Variants in MARCHF10 observed in about 807,000 individuals in gnomAD.
MARCHF10 encodes the protein membrane associated ring-CH-type finger 10, also known as probable E3 ubiquitin-protein ligase MARCHF10.
A neutral mutation model predicts 76.2 loss-of-function variants in MARCHF10; 64 were observed. The ratio of observed to expected loss-of-function variants is 0.84; its 90% CI spans 0.69 to 1.03. The LOEUF (loss-of-function observed/expected upper bound fraction) is 1.03, where lower values mean the gene tolerates loss of function less well. MARCHF10 is among the 50% of genes least tolerant of loss of function. The probability of loss-of-function intolerance (pLI) is 0.00; values close to 1 mark genes in which losing one functional copy is unlikely to be tolerated. For synonymous variants in MARCHF10, 340 were observed against 357.5 expected, an observed-to-expected ratio of 0.95 and a Z score of 0.55; for missense variants, 875 against 958.0, an observed-to-expected ratio of 0.91 and a Z score of 1.14.
At chr17:62,716,826 A>G (rs2090229274) in intron 8 of MARCHF10, among the ~76,000 whole-genome samples, 1 of 152,056 alleles carries the variant, frequency 6.6e-6, no homozygotes, top group Non-Finnish European at 1.5e-5. Flanking sequence ...CTTTTTTGGT[A>G]CATGTCTAGA....
intron 4 of MARCHF10, among the ~76,000 whole-genome samples, chr17:62,759,572 G>A (rs757778644): frequency 1.5e-4 from 23 of 152,200 alleles, no homozygotes; most frequent in East Asian, 3.9e-4. Flanking sequence ...TCCACCTCCC[G>A]GGTTCAAGCG....
At chr17:62,714,250 G>A (rs967780553) in intron 8 of MARCHF10, 10 of 283,280 alleles carry the variant, frequency 3.5e-5, no homozygotes, top group African/African-American at 6.9e-5. Context: ...CCTGGAAAGC[G>A]CTGCCGGCTA....
chr17:62,722,367 TTGTCAGACTCC>T, intron 8 of MARCHF10, 110 bp downstream of exon 8: 1 of 656,276 alleles, frequency 1.5e-6, no homozygotes, highest in Non-Finnish European at 2.6e-6. Flanking sequence ...TAAATGGATA[TTGTCAGACTCC>T]TGCCAGCAGA....
At chr17:62,762,148 A>G (rs1344575492) in intron 3 of MARCHF10, among the ~76,000 whole-genome samples, 1 of 152,206 alleles carries the variant, frequency 6.6e-6, no homozygotes, top group Non-Finnish European at 1.5e-5. Context: ...TGTGGTGAAT[A>G]GGGAGGAGAC....
chr17:62,708,652 AT>A (rs2147574382), intron 9 of MARCHF10, among the ~76,000 whole-genome samples: 1 of 152,326 alleles, frequency 6.6e-6, no homozygotes, highest in South Asian at 2.1e-4. Context: ...TATAAAAGAG[AT>A]AAAGGTTCCC....
At chr17:62,781,143 G>C (rs962047574) in intron 3 of MARCHF10, 2 of 152,162 alleles carry the variant, frequency 1.3e-5, no homozygotes, top group Non-Finnish European at 2.9e-5. Context: ...CAGTTCACAG[G>C]GTTGTACGTA....
At chr17:62,788,684 A>G in intron 2 of MARCHF10, 85 bp from the exon 3 acceptor site, 1 of 1,540,008 alleles carries the variant, frequency 6.5e-7, no homozygotes, top group Non-Finnish European at 8.9e-7. Flanking sequence ...GGTGAGGAGC[A>G]TGAAATAAAT....
intron 4 of MARCHF10, among the ~76,000 whole-genome samples, chr17:62,748,038 CTCTG>C (rs1336289575): frequency 1.3e-5 from 2 of 152,166 alleles, no homozygotes; most frequent in East Asian, 1.9e-4. Flanking sequence ...ATTTTCTCTT[CTCTG>C]TCTGTAAGTG....
intron 10 of MARCHF10, among the ~76,000 whole-genome samples, 184 bp from the exon 11 acceptor site, chr17:62,701,942 A>C (rs1336417242): frequency 6.6e-6 from 1 of 152,166 alleles, no homozygotes; most frequent in Admixed American, 6.5e-5. Flanking sequence ...GGGAATCCAC[A>C]GACTGCCCCA....
intron 6 of MARCHF10, among the ~76,000 whole-genome samples, chr17:62,733,618 G>C (rs1278650319): frequency 6.6e-6 from 1 of 152,184 alleles, no homozygotes; most frequent in East Asian, 1.9e-4. Context: ...TCTTCCACAC[G>C]AGCCAGGAGA....
At chr17:62,714,482 G>A (rs994980243) in intron 8 of MARCHF10, 16 of 912,666 alleles carry the variant, frequency 1.8e-5, no homozygotes, top group South Asian at 5.0e-5. Context: ...TTGTCTGGGC[G>A]TTAAGATCTG....
chr17:62,770,851 C>CTTTTTTTT (rs35064058), intron 3 of MARCHF10, among the ~76,000 whole-genome samples: 4 of 83,628 alleles, frequency 4.8e-5, no homozygotes, highest in Admixed American at 1.6e-4. Flanking sequence ...TGTATTTTGA[C>CTTTTTTTT]TTTTTTTTTT....
chr17:62,726,378 C>CT (rs34586160), intron 6 of MARCHF10, among the ~76,000 whole-genome samples: 5 of 152,160 alleles, frequency 3.3e-5, no homozygotes, highest in African/African-American at 1.2e-4. Context: ...TCTTGAAAGA[C>CT]TTTTTTCCCC....
chr17:62,803,864 G>C (rs1022224528), intron 1 of MARCHF10, among the ~76,000 whole-genome samples: 9 of 152,126 alleles, frequency 5.9e-5, no homozygotes, highest in Non-Finnish European at 5.9e-5. Context: ...CTTGTTCTAA[G>C]CAGTTACATC....
At chr17:62,775,064 GAA>G (rs1404860290) in intron 3 of MARCHF10, among the ~76,000 whole-genome samples, 1 of 149,244 alleles carries the variant, frequency 6.7e-6, no homozygotes, top group Non-Finnish European at 1.5e-5. Context: ...CCACAAAAAA[GAA>G]AAAACAAAAA....
intron 2 of MARCHF10, among the ~76,000 whole-genome samples, chr17:62,790,732 C>T (rs981243283): frequency 6.6e-6 from 1 of 152,190 alleles, no homozygotes; most frequent in Non-Finnish European, 1.5e-5. Context: ...CAGAATTTCA[C>T]GCCATGAGTA....
chr17:62,707,734 T>C (rs2089680067), intron 9 of MARCHF10: 1 of 152,272 alleles, frequency 6.6e-6, no homozygotes, highest in Non-Finnish European at 1.5e-5. Context: ...TGGATACTCT[T>C]GGTTACATGT....
chr17:62,741,011 A>G (rs1460295737), intron 5 of MARCHF10, among the ~76,000 whole-genome samples: 3 of 152,178 alleles, frequency 2.0e-5, no homozygotes, highest in African/African-American at 7.2e-5. Context: ...ATAACCCGTT[A>G]TGCATCTGTC....
intron 2 of MARCHF10, among the ~76,000 whole-genome samples, chr17:62,797,033 A>T (rs1218262066): frequency 2.6e-5 from 4 of 152,282 alleles, no homozygotes; most frequent in African/African-American, 9.6e-5. Context: ...AGAGGGAGAA[A>T]AAAAGACAAT....
Sources: allele counts gnomAD v4.1 joint callset (sites outside exome capture counted in the v4.1 genomes callset), GRCh38; gene constraint gnomAD v4.1.1; transcripts MANE v1.5; gene names NCBI Gene and HGNC (gene_info 2026-07-23, HGNC 2026-07-21).